CA4: variants seen among roughly 807,000 people sequenced by gnomAD.
CA4 encodes carbonic anhydrase 4.
A neutral mutation model predicts 34.5 loss-of-function variants in CA4; 24 were observed. That is an observed-to-expected ratio of 0.70 (90% CI 0.50 to 0.98). The LOEUF (loss-of-function observed/expected upper bound fraction) is 0.98, where lower values mean the gene tolerates loss of function less well. Ranked by LOEUF, CA4 falls within the 50% of genes least tolerant of loss-of-function variation. The pLI is 0.00. For missense variants in CA4, 394 were observed against 396.7 expected, an observed-to-expected ratio of 0.99 and a Z score of 0.06; for synonymous variants, 178 against 170.6, an observed-to-expected ratio of 1.04 and a Z score of -0.34.
At chr17:60,152,026 G>A (rs2083599856) in intron 1 of CA4, among the ~76,000 whole-genome samples, 1 of 152,090 alleles carries the variant, frequency 6.6e-6, no homozygotes, top group African/African-American at 2.4e-5. Flanking sequence ...GTCCATTAGA[G>A]AGGCTTCTTC....
intron 1 of CA4, among the ~76,000 whole-genome samples, chr17:60,154,591 G>T (rs2083646621): frequency 6.6e-6 from 1 of 152,220 alleles, no homozygotes; most frequent in African/African-American, 2.4e-5. Context: ...CTTCTGCCCT[G>T]CATGCACTTT....
downstream of CA4, chr17:60,171,049 C>T (rs1335438295): frequency 6.6e-6 from 1 of 152,228 alleles, no homozygotes; most frequent in East Asian, 1.9e-4. Flanking sequence ...TCATGCATCC[C>T]TCATAGAGCT....
downstream of CA4, among the ~76,000 whole-genome samples, chr17:60,171,477 A>C (rs977386051): frequency 1.3e-5 from 2 of 152,226 alleles, no homozygotes; most frequent in African/African-American, 4.8e-5. Context: ...CTGAGTAGCA[A>C]AATGGCCTTT....
intron 3 of CA4, 134 bp downstream of exon 3, chr17:60,156,849 G>A: frequency 1.2e-6 from 1 of 818,324 alleles, no homozygotes. Flanking sequence ...ATCCCATGGG[G>A]GAGGACAGCT....
At chr17:60,177,452 TAATA>T in the CA4 span, among the ~76,000 whole-genome samples, 1 of 152,242 alleles carries the variant, frequency 6.6e-6, no homozygotes, top group Non-Finnish European at 1.5e-5. Flanking sequence ...ATAGTTAATT[TAATA>T]AATTTTCTGC....
At chr17:60,175,170 G>A (rs546255638), downstream of CA4, among the ~76,000 whole-genome samples, 1 of 140,116 alleles carries the variant, frequency 7.1e-6, no homozygotes, top group African/African-American at 3.0e-5. Flanking sequence ...CTACAGGCAT[G>A]GGCCACCACA....
chr17:60,165,709 C>A (rs1271856606), intron 5 of CA4, among the ~76,000 whole-genome samples: 1 of 152,136 alleles, frequency 6.6e-6, no homozygotes, highest in African/African-American at 2.4e-5. Flanking sequence ...GCAGGCTCCC[C>A]CAGCACAGGA....
downstream of CA4, among the ~76,000 whole-genome samples, chr17:60,161,078 T>C (rs1476342016): frequency 3.9e-5 from 6 of 151,936 alleles, no homozygotes; most frequent in Non-Finnish European, 8.8e-5. Flanking sequence ...CAGTGAGATA[T>C]GAGGGAGAGC....
downstream of CA4, among the ~76,000 whole-genome samples, chr17:60,175,557 C>A (rs1417144285): frequency 2.0e-5 from 3 of 147,776 alleles, no homozygotes; most frequent in Admixed American, 1.3e-4. Flanking sequence ...CAACAGAGAC[C>A]CTGTCTCTAT....
chr17:60,156,696 C>A lies in CA4; in HGVS notation c.249C>A (p.Val83=), dbSNP rs1248911010. ...SGYDKKQTWT[V]QNNGHSVMML... ...ACGATAAGAAGCAAACGTGGACTGT[C>A]CAAAATAACGGGCACTCAGGTGGGC... Residue 83 remains valine, a synonymous_variant, in exon 3 of 8, where the codon GTC becomes GTA. Transcript: ENST00000300900. 6.2e-7 allele frequency: 1 copy of A among 1,614,166 alleles called. No individual in the cohort carries two copies. The highest frequency in any genetic ancestry group is 8.5e-7 in the Non-Finnish European group (1 of 1,180,026).
chr17:60,157,699 G>C lies in CA4; in HGVS notation c.424G>C (p.Val142Leu). The C allele has an allele frequency of 6.2e-7, 1 of 1,613,950 alleles. No homozygotes were observed. The highest frequency in any genetic ancestry group is 1.6e-4 in the Middle Eastern group (1 of 6,062). The stretch of plus-strand genomic sequence containing the variant: ...CCTCCACCCCGACCAGATGCACATA[G>C]TACATGAGAAAGAGAAGGGGACATC... Reference protein sequence around the residue: ...GEHFAMEMHIVHEKEKGTSRN... With the variant: ...GEHFAMEMHILHEKEKGTSRN... Residue 142 changes from valine to leucine, a missense_variant, in exon 5 of 8, where the codon GTA becomes CTA. Physicochemically the swap from Val to Leu is conservative, Grantham distance 32. Transcript: ENST00000300900.
rs768555954 is a variant in CA4 at position 60,156,621 on chromosome 17, C to T, written c.174C>T (p.Thr58=). The T allele has an allele frequency of 6.2e-7, 1 of 1,614,098 alleles. No individual in the cohort carries two copies. Among genetic ancestry groups the T allele is most frequent in the Non-Finnish European group, 8.5e-7 (1 of 1,179,902 alleles). ...KDRQSPINIV[T]TKAKVDKKLG... is the part of the protein sequence containing the mutation. The stretch of plus-strand genomic sequence containing the variant: ...GCCAGTCCCCCATCAACATCGTCAC[C>T]ACCAAGGCAAAGGTGGACAAAAAAC... The change falls in exon 3 of 8, where the codon ACC becomes ACT. Residue 58 remains threonine, a synonymous_variant. Transcript: ENST00000300900.
rs780570538 is a variant in CA4, at chr17:60,156,592, G to A, written c.145G>A (p.Asp49Asn). ...CAAGTGGGGTGGAAACTGCCAGAAG[G>A]ACCGCCAGTCCCCCATCAACATCGT... is the stretch of plus-strand genomic sequence containing the variant. Reference protein sequence around the residue: ...PVKWGGNCQKDRQSPINIVTT... With the variant: ...PVKWGGNCQKNRQSPINIVTT... The change falls in exon 3 of 8, where the codon GAC becomes AAC. Residue 49 changes from aspartate to asparagine, a missense_variant. Asp to Asn is a conservative substitution (Grantham distance 23, BLOSUM62 1). Transcript: ENST00000300900. 1 of 1,614,200 alleles carries A rather than the reference G, an allele frequency of 6.2e-7. No homozygotes were observed. Among genetic ancestry groups the A allele is most frequent in the South Asian group, 1.1e-5 (1 of 91,084 alleles).
chr17:60,177,285 A>G, the CA4 span, among the ~76,000 whole-genome samples: 2 of 152,226 alleles, frequency 1.3e-5, no homozygotes, highest in African/African-American at 4.8e-5. Context: ...ATAAACAGGT[A>G]CACCCCATAT....
chr17:60,160,611 A>G (rs1033185356), downstream of CA4, among the ~76,000 whole-genome samples: 3 of 152,178 alleles, frequency 2.0e-5, no homozygotes, highest in African/African-American at 4.8e-5. Flanking sequence ...TAAAAATACA[A>G]AAATTAGCTG....
At chr17:60,174,375 T>G (rs756008853), downstream of CA4, among the ~76,000 whole-genome samples, 9 of 151,310 alleles carry the variant, frequency 5.9e-5, no homozygotes, top group Non-Finnish European at 1.3e-4. Flanking sequence ...TGTATTAATA[T>G]CTGGGTTTCT....
chr17:60,157,865 C>A, intron 5 of CA4, 77 bp downstream of exon 5: 2 of 1,524,048 alleles, frequency 1.3e-6, no homozygotes, highest in Non-Finnish European at 1.8e-6. Flanking sequence ...CCTGGGACTC[C>A]AGCGAGGCAG....
intron 1 of CA4, among the ~76,000 whole-genome samples, chr17:60,151,057 A>G (rs954181381): frequency 6.6e-6 from 1 of 152,186 alleles, no homozygotes; most frequent in Non-Finnish European, 1.5e-5. Context: ...GGGAGGTGGC[A>G]GGAAAGGCAT....
At chr17:60,173,310 G>A (rs1305391300), downstream of CA4, among the ~76,000 whole-genome samples, 1 of 152,176 alleles carries the variant, frequency 6.6e-6, no homozygotes, top group Non-Finnish European at 1.5e-5. Flanking sequence ...GGCCTTCACA[G>A]CTCCTGCCTT....
Sources: gnomAD v4.1 joint callset for allele counts (sites outside exome capture counted in the v4.1 genomes callset) on GRCh38, gnomAD v4.1.1 for gene constraint, MANE v1.5 for transcripts, NCBI Gene and HGNC (gene_info 2026-07-23, HGNC 2026-07-21) for gene names.